The following RSPO3 variants were observed in gnomAD, a reference collection of about 807,000 sequenced individuals.
The protein encoded by RSPO3 is R-spondin-3.
Under a neutral mutation model 36.5 loss-of-function variants are expected in RSPO3, and 17 were observed. The ratio of observed to expected loss-of-function variants is 0.47; its 90% CI spans 0.32 to 0.70. The LOEUF (loss-of-function observed/expected upper bound fraction) is 0.70. Among genes scored for constraint, RSPO3 ranks in the 30% least tolerant of loss-of-function variants. RSPO3 has a pLI of 0.04. For synonymous variants in RSPO3, 108 were observed against 107.0 expected (o/e 1.01, Z -0.06); for missense variants, 294 against 322.5 (o/e 0.91, Z 0.68).
At chr6:127,175,151 C>T (rs1230432581) in intron 4 of RSPO3, among the ~76,000 whole-genome samples, 1 of 151,732 alleles carries the variant, frequency 6.6e-6, no homozygotes, top group Admixed American at 6.6e-5. Context: ...CATTTGTCTC[C>T]TAATGTATAC....
chr6:127,121,454 G>A (rs1773843948), intron 1 of RSPO3, among the ~76,000 whole-genome samples: 1 of 152,234 alleles, frequency 6.6e-6, no homozygotes. Flanking sequence ...GAACTGGGTT[G>A]CAATTCCAAT....
In RSPO3 at chr6:127,155,225, T is replaced by C; in HGVS notation, c.437-16T>C. The C allele has an allele frequency of 6.2e-7, 1 of 1,613,162 alleles. No individual in the cohort carries two copies. The highest frequency in any genetic ancestry group is 1.3e-5 in the African/African-American group (1 of 74,992). On this transcript the variant is annotated splice_polypyrimidine_tract_variant and intron_variant, in intron 3 of 4. Coordinates refer to ENST00000356698, the MANE Select transcript of RSPO3 (RefSeq NM_032784.5). ...GTTGTAAGCCAGCTGAGTCTGTTTC[T>C]TCTGTTCTGTTTCAGTGCACTGTGA...
intron 3 of RSPO3, among the ~76,000 whole-genome samples, chr6:127,154,359 A>G (rs2114590950): frequency 6.6e-6 from 1 of 152,292 alleles, no homozygotes; most frequent in East Asian, 1.9e-4. Flanking sequence ...TAGAAGTTCA[A>G]AAATCTGTTA....
chr6:127,169,786 A>G (rs1257776048), intron 4 of RSPO3, among the ~76,000 whole-genome samples: 1 of 151,886 alleles, frequency 6.6e-6, no homozygotes, highest in Non-Finnish European at 1.5e-5. Flanking sequence ...GTGTTAATTC[A>G]ATTTGTGGAG....
In RSPO3 at chr6:127,147,529, A is replaced by G. The variant is rs565846432; in HGVS notation, c.98-1119A>G. On this transcript the variant is annotated intron_variant, in intron 1 of 4. Coordinates refer to ENST00000356698, the MANE Select transcript of RSPO3 (RefSeq NM_032784.5). ...AGCAATATATTTGAGTGGAGAACAC[A>G]TTAGGAAAAGAAATCATCCTAAACA... Among the ~76,000 whole-genome samples the G allele has an allele frequency of 1.8e-3, 275 of 152,258 alleles. 1 individual carries two copies. The highest frequency in any genetic ancestry group is 3.4e-3 in the Non-Finnish European group (233 of 68,008).
chr6:127,130,986 AC>A (rs1774041666), intron 1 of RSPO3, among the ~76,000 whole-genome samples: 1 of 152,044 alleles, frequency 6.6e-6, no homozygotes, highest in Non-Finnish European at 1.5e-5. Context: ...AGTCCCCTCC[AC>A]AAAGACTGAA....
At chr6:127,157,562 T>G (rs2114596147) in intron 4 of RSPO3, among the ~76,000 whole-genome samples, 1 of 152,184 alleles carries the variant, frequency 6.6e-6, no homozygotes, top group South Asian at 2.1e-4. Flanking sequence ...TAAAAGTGTC[T>G]TTCTGATTTG....
chr6:127,145,702 G>C (rs1449552732), intron 1 of RSPO3, among the ~76,000 whole-genome samples: 1 of 151,964 alleles, frequency 6.6e-6, no homozygotes, highest in Non-Finnish European at 1.5e-5. Context: ...CTGAGATTCT[G>C]TGAAACTTTC....
intron 4 of RSPO3, among the ~76,000 whole-genome samples, chr6:127,166,922 G>A (rs1774832454): frequency 6.6e-6 from 1 of 151,800 alleles, no homozygotes; most frequent in African/African-American, 2.4e-5. Flanking sequence ...AATTTCCACA[G>A]GATGCCTATT....
At chr6:127,193,478 T>C (rs1323582538) in intron 4 of RSPO3, among the ~76,000 whole-genome samples, 1 of 152,170 alleles carries the variant, frequency 6.6e-6, no homozygotes, top group Non-Finnish European at 1.5e-5. Flanking sequence ...TCCATAAAAA[T>C]AACATTTTGC....
chr6:127,118,787 G>T lies in RSPO3; in HGVS notation c.-406G>T. On this transcript the variant is annotated 5_prime_UTR_variant, in exon 1 of 5. Coordinates refer to ENST00000356698, the MANE Select transcript of RSPO3 (RefSeq NM_032784.5). The stretch of plus-strand genomic sequence containing the variant: ...CCCCTGCGCTCCAGGGGCCCCCGCC[G>T]CTGCAGCCGCAGCCGCCGCAGCTTC... 6.4e-6 allele frequency: 1 copy of T among 155,130 alleles called. No homozygotes were observed. Among genetic ancestry groups the T allele is most frequent in the Admixed American group, 6.6e-5 (1 of 15,250 alleles). 9.6% of individuals were successfully genotyped at this position (155,130 alleles called of 1,614,324 possible).
At position 127,136,752 on chromosome 6, in the gene RSPO3, T is replaced by C. The variant is rs1237949775; in HGVS notation, c.98-11896T>C. ...TTTGTTTTTCTACAGTTCTATGACT[T>C]TTCCCACACTACCACAGTTCTCATA... On this transcript the variant is annotated intron_variant, in intron 1 of 4. Coordinates refer to ENST00000356698, the MANE Select transcript of RSPO3 (RefSeq NM_032784.5). 2.0e-5 allele frequency among the ~76,000 whole-genome samples: 3 copies of C among 152,290 alleles called. No homozygotes were observed. The South Asian group carries it at 6.2e-4, about 32-fold the overall frequency.
At chr6:127,195,671 C>G (rs1775499549) in intron 4 of RSPO3, 152 bp from the exon 5 acceptor site, 1 of 564,900 alleles carries the variant, frequency 1.8e-6, no homozygotes. Context: ...ATACCACAGA[C>G]TTAATAATAG....
intron 1 of RSPO3, among the ~76,000 whole-genome samples, chr6:127,133,034 G>T (rs1053165554): frequency 3.9e-5 from 6 of 151,980 alleles, no homozygotes; most frequent in African/African-American, 1.4e-4. Flanking sequence ...CACAATATGA[G>T]ATTTCTTCTT....
At position 127,119,057 on chromosome 6, in the gene RSPO3, C is replaced by T. The variant is rs1369444326; in HGVS notation, c.-136C>T. 1.6e-6 allele frequency: 1 copy of T among 606,238 alleles called. No homozygotes were observed. Among genetic ancestry groups the T allele is most frequent in the African/African-American group, 1.9e-5 (1 of 53,100 alleles). 37.6% of individuals were successfully genotyped at this position (606,238 alleles called of 1,614,324 possible). ...TCGCTTGCCATCACAGCACGCCTAT[C>T]GGATGTGAGAGGAGAAGTCCCGCTG... On this transcript the variant is annotated 5_prime_UTR_variant, in exon 1 of 5. Coordinates refer to ENST00000356698, the MANE Select transcript of RSPO3 (RefSeq NM_032784.5).
chr6:127,135,790 G>C (rs1007557397), intron 1 of RSPO3, among the ~76,000 whole-genome samples: 1 of 152,082 alleles, frequency 6.6e-6, no homozygotes, highest in Non-Finnish European at 1.5e-5. Context: ...AGCCGGGCAT[G>C]ATGGCTCAAA....
chr6:127,148,552 A>C, intron 1 of RSPO3, 96 bp from the exon 2 acceptor site: 1 of 894,064 alleles, frequency 1.1e-6, no homozygotes, highest in Admixed American at 2.9e-5. Context: ...AACAAATTGA[A>C]AGCTAATGAA....
intron 4 of RSPO3, among the ~76,000 whole-genome samples, chr6:127,195,356 A>G (rs1775493909): frequency 6.6e-6 from 1 of 152,238 alleles, no homozygotes; most frequent in Non-Finnish European, 1.5e-5. Flanking sequence ...TTTTATAGCG[A>G]TAAGGTCTCA....
rs1222946724 is a variant in RSPO3, at chr6:127,119,109, C to A, written c.-84C>A. 3 of 1,081,178 alleles carry A rather than the reference C, an allele frequency of 2.8e-6. No homozygotes were observed. The highest frequency in any genetic ancestry group is 3.2e-5 in the African/African-American group (2 of 62,754). The allele number at this position is 1,081,178 out of a possible 1,614,324, so 67.0% of individuals were successfully genotyped here. The stretch of plus-strand genomic sequence containing the variant: ...TCGGGCACTGTCTATATACGCCTAA[C>A]ACCTACATATATTTTAAAAACATTA... On this transcript the variant is annotated 5_prime_UTR_variant, in exon 1 of 5. Transcript: ENST00000356698.
Sources: gnomAD v4.1 joint callset for allele counts (sites outside exome capture counted in the v4.1 genomes callset) on GRCh38, gnomAD v4.1.1 for gene constraint, MANE v1.5 for transcripts, NCBI Gene and HGNC (gene_info 2026-07-23, HGNC 2026-07-21) for gene names.